The following SH3BGR variants were observed in gnomAD, a reference collection of about 807,000 sequenced individuals.
SH3BGR encodes the protein SH3 domain binding glutamate rich protein.
A neutral mutation model predicts 24.5 loss-of-function variants in SH3BGR; 29 were observed. The ratio of observed to expected loss-of-function variants is 1.18; its 90% CI spans 0.88 to 1.61. The LOEUF (loss-of-function observed/expected upper bound fraction) is 1.61, where lower values mean the gene tolerates loss of function less well. SH3BGR is among the 40% of genes most tolerant of loss of function. The pLI is 0.00. For synonymous variants in SH3BGR, 55 were observed against 65.7 expected, an observed-to-expected ratio of 0.84 and a Z score of 0.79; for missense variants, 162 against 205.8, an observed-to-expected ratio of 0.79 and a Z score of 1.30.
chr21:39,460,065 G>A (rs1488185647), intron 1 of SH3BGR, among the ~76,000 whole-genome samples: 1 of 152,158 alleles, frequency 6.6e-6, no homozygotes, highest in African/African-American at 2.4e-5. Flanking sequence ...TGGCCACGTT[G>A]GTAAGAAATG....
intron 3 of SH3BGR, 58 bp from the exon 4 acceptor site, chr21:39,499,765 T>C: frequency 3.3e-6 from 3 of 919,360 alleles, no homozygotes; most frequent in Non-Finnish European, 4.7e-6. Flanking sequence ...ATGTGGCCTG[T>C]TTTTTTTTTT....
At chr21:39,471,675 T>A (rs1190842034) in intron 2 of SH3BGR, among the ~76,000 whole-genome samples, 1 of 152,190 alleles carries the variant, frequency 6.6e-6, no homozygotes, top group Admixed American at 6.5e-5. Flanking sequence ...TTGCCCAGGC[T>A]GGTCTTGAAC....
chr21:39,469,011 GTTT>G (rs78313529), intron 2 of SH3BGR, among the ~76,000 whole-genome samples: 4 of 134,412 alleles, frequency 3.0e-5, no homozygotes, highest in Non-Finnish European at 3.3e-5. Context: ...AAGATGTCTA[GTTT>G]TTTTTTTTTT....
chr21:39,463,874 T>C (rs2077797073), intron 2 of SH3BGR, among the ~76,000 whole-genome samples: 1 of 152,226 alleles, frequency 6.6e-6, no homozygotes, highest in Admixed American at 6.5e-5. Context: ...TGTATCAAAC[T>C]ACCACACACA....
intron 2 of SH3BGR, among the ~76,000 whole-genome samples, chr21:39,466,959 TTTCTC>T (rs772540291): frequency 6.6e-5 from 10 of 152,326 alleles, no homozygotes; most frequent in Admixed American, 6.5e-5. Context: ...TATTAAATCT[TTTCTC>T]TTTGTGATTC....
intron 3 of SH3BGR, among the ~76,000 whole-genome samples, chr21:39,480,623 C>T (rs944921290): frequency 6.6e-6 from 1 of 152,166 alleles, no homozygotes; most frequent in Non-Finnish European, 1.5e-5. Context: ...GTTGTTTCCA[C>T]GTTTTGGCTA....
At chr21:39,513,490 G>C (rs1019106865) in intron 6 of SH3BGR, among the ~76,000 whole-genome samples, 3 of 152,060 alleles carry the variant, frequency 2.0e-5, no homozygotes, top group Non-Finnish European at 2.9e-5. Flanking sequence ...GAGCTAGTGA[G>C]GGTGGCCATC....
At chr21:39,498,222 G>C (rs1400245315) in intron 3 of SH3BGR, among the ~76,000 whole-genome samples, 1 of 151,778 alleles carries the variant, frequency 6.6e-6, no homozygotes, top group Non-Finnish European at 1.5e-5. Context: ...TTATGTATTA[G>C]GATGCAGAGG....
At chr21:39,447,441 C>T (rs1402287800), upstream of SH3BGR, among the ~76,000 whole-genome samples, 1 of 114,882 alleles carries the variant, frequency 8.7e-6, no homozygotes, top group Admixed American at 1.1e-4. Context: ...TTTTTTGAGA[C>T]GTATCACTCT....
chr21:39,474,115 G>A (rs2077988414), intron 2 of SH3BGR, among the ~76,000 whole-genome samples: 1 of 151,958 alleles, frequency 6.6e-6, no homozygotes, highest in African/African-American at 2.4e-5. Flanking sequence ...CCACAGGTGT[G>A]TGCCACCGTG....
intron 4 of SH3BGR, among the ~76,000 whole-genome samples, chr21:39,500,335 G>C (rs2837053): frequency 0.56 from 85,262 of 151,874 alleles, 24,317 homozygotes; most frequent in East Asian, 0.68. Flanking sequence ...CGGAAGACAA[G>C]AGGAACTTGA....
chr21:39,461,662 G>A (rs903905121), intron 1 of SH3BGR, among the ~76,000 whole-genome samples: 3 of 152,220 alleles, frequency 2.0e-5, no homozygotes, highest in Non-Finnish European at 2.9e-5. Context: ...CCTGTGATTG[G>A]CTGAAGCTTG....
chr21:39,514,734 G>T (rs2078753338), intron 6 of SH3BGR, among the ~76,000 whole-genome samples: 1 of 152,138 alleles, frequency 6.6e-6, no homozygotes, highest in African/African-American at 2.4e-5. Flanking sequence ...CCTCCCCAAA[G>T]CTTGCCACTT....
At chr21:39,489,238 T>C (rs1030275687) in intron 3 of SH3BGR, among the ~76,000 whole-genome samples, 2 of 152,220 alleles carry the variant, frequency 1.3e-5, no homozygotes, top group Admixed American at 1.3e-4. Flanking sequence ...GAGATGCTGC[T>C]GCAGCCCCCT....
intron 3 of SH3BGR, among the ~76,000 whole-genome samples, chr21:39,486,870 C>T (rs1264825005): frequency 6.6e-5 from 10 of 152,092 alleles, no homozygotes. Context: ...TGTGTGCCAC[C>T]ACGTCCAGCT....
chr21:39,455,107 A>G (rs962337270), intron 1 of SH3BGR, among the ~76,000 whole-genome samples: 1 of 152,198 alleles, frequency 6.6e-6, no homozygotes, highest in Non-Finnish European at 1.5e-5. Context: ...AAAGTCTCCT[A>G]ACTGTACAAG....
At chr21:39,471,756 C>T (rs928823207) in intron 2 of SH3BGR, among the ~76,000 whole-genome samples, 9 of 152,142 alleles carry the variant, frequency 5.9e-5, no homozygotes, top group Admixed American at 5.9e-4. Context: ...GCCACCACAC[C>T]CAGCCTGGAT....
chr21:39,511,648 C>T lies in SH3BGR; in HGVS notation c.436-32C>T. The T allele has an allele frequency of 6.2e-7, 1 of 1,604,162 alleles. No homozygotes were observed. Among genetic ancestry groups the T allele is most frequent in the Non-Finnish European group, 8.5e-7 (1 of 1,176,960 alleles). ...CACTGTATCCTTGGCCCTTATGCTTCTTAATACTAATGTAAGTTTTGTTAA... is the reference window on the plus strand; with the variant it reads ...CACTGTATCCTTGGCCCTTATGCTTTTTAATACTAATGTAAGTTTTGTTAA... On this transcript the variant is annotated intron_variant, in intron 5 of 6. Coordinates refer to ENST00000333634, the MANE Select transcript of SH3BGR (RefSeq NM_007341.3). The surrounding 1 kb of genome is among the most constrained non-coding windows in gnomAD (Gnocchi z 4.2).
At chr21:39,484,370 T>A (rs2078176900) in intron 3 of SH3BGR, among the ~76,000 whole-genome samples, 1 of 152,208 alleles carries the variant, frequency 6.6e-6, no homozygotes. Flanking sequence ...CCGGAGATAT[T>A]CAGCACCATT....
Sources: allele counts gnomAD v4.1 joint callset (sites outside exome capture counted in the v4.1 genomes callset), GRCh38; gene constraint gnomAD v4.1.1; non-coding constraint Gnocchi (gnomAD v3.1); transcripts MANE v1.5; gene names NCBI Gene and HGNC (gene_info 2026-07-23, HGNC 2026-07-21).